The following WDR7 variants were observed in gnomAD, a reference collection of about 807,000 sequenced individuals.
The protein encoded by WDR7 is WD repeat domain 7.
A neutral mutation model predicts 169.4 loss-of-function variants in WDR7; 46 were observed. That is an observed-to-expected ratio of 0.27 (90% CI 0.21 to 0.35). The LOEUF (loss-of-function observed/expected upper bound fraction) is 0.35, where lower values mean the gene tolerates loss of function less well. Ranked by LOEUF, WDR7 falls within the 10% of genes least tolerant of loss-of-function variation. The pLI, the probability that WDR7 is intolerant of heterozygous loss-of-function variation, is 1.00. For synonymous variants in WDR7, 612 were observed against 666.8 expected, an observed-to-expected ratio of 0.92 and a Z score of 1.27; for missense variants, 1,534 against 1,859.3, an observed-to-expected ratio of 0.83 and a Z score of 3.22.
intron 20 of WDR7, among the ~76,000 whole-genome samples, chr18:56,862,242 T>C (rs2045815951): frequency 6.6e-6 from 1 of 151,928 alleles, no homozygotes. Flanking sequence ...GATCTGATAT[T>C]GATTTAATAA....
chr18:56,826,714 G>A (rs372480993), intron 20 of WDR7, among the ~76,000 whole-genome samples: 43 of 152,234 alleles, frequency 2.8e-4, no homozygotes, highest in African/African-American at 9.4e-4. Context: ...AATAAAGATG[G>A]ATGAATTAAA....
intron 1 of WDR7, among the ~76,000 whole-genome samples, chr18:56,653,011 G>A (rs522845): frequency 0.1 from 15,651 of 152,134 alleles, 928 homozygotes; most frequent in Non-Finnish European, 0.14. Flanking sequence ...ACTTAGCATC[G>A]AAAATCTTCA....
intron 25 of WDR7, among the ~76,000 whole-genome samples, chr18:56,947,965 T>C (rs1199710830): frequency 2.0e-5 from 3 of 152,228 alleles, no homozygotes; most frequent in African/African-American, 7.2e-5. Context: ...TAATGTACTT[T>C]GTAAGTTTAC....
intron 19 of WDR7, among the ~76,000 whole-genome samples, chr18:56,812,149 G>A (rs2044880232): frequency 6.6e-6 from 1 of 151,938 alleles, no homozygotes; most frequent in Non-Finnish European, 1.5e-5. Flanking sequence ...TCTTTCATCA[G>A]TGTTTTGTAG....
chr18:56,941,317 GA>G (rs1215530259), intron 25 of WDR7, among the ~76,000 whole-genome samples: 5 of 152,030 alleles, frequency 3.3e-5, no homozygotes, highest in Non-Finnish European at 7.4e-5. Context: ...AATAACCTGT[GA>G]AAAATGCCTT....
At chr18:56,814,420 G>A (rs1417147709) in intron 19 of WDR7, among the ~76,000 whole-genome samples, 1 of 152,152 alleles carries the variant, frequency 6.6e-6, no homozygotes, top group South Asian at 2.1e-4. Flanking sequence ...TTTTGTATTT[G>A]AGCAGTATCT....
chr18:56,821,429 G>A (rs2045094552), intron 20 of WDR7, among the ~76,000 whole-genome samples: 3 of 152,106 alleles, frequency 2.0e-5, no homozygotes, highest in Admixed American at 2.0e-4. Context: ...TAATAGATCT[G>A]GGATTAAAGT....
rs941743437 is a variant in WDR7, at chr18:57,027,930, A to G, written c.*723A>G. The G allele has an allele frequency of 4.6e-5, 7 of 152,202 alleles. No individual in the cohort carries two copies. Among genetic ancestry groups the G allele is most frequent in the Admixed American group, 6.5e-5 (1 of 15,284 alleles). The allele number at this position is 152,202 out of a possible 1,614,324, so 9.4% of individuals were successfully genotyped here. A position where few individuals can be genotyped will look rare whatever the true frequency, so the allele number is the denominator to read the frequency against. On this transcript the variant is annotated 3_prime_UTR_variant, in exon 28 of 28. Transcript: ENST00000254442. ...TAAATGATAGTCTATTTAGTAGTTT[A>G]AAATAAAAATAATCACTCCCTATGA... is the stretch of plus-strand genomic sequence containing the variant.
intron 20 of WDR7, among the ~76,000 whole-genome samples, chr18:56,865,055 A>G (rs183094538): frequency 6.6e-6 from 1 of 152,138 alleles, no homozygotes; most frequent in Admixed American, 6.5e-5. Context: ...GTAAATATGT[A>G]TTAATATTTT....
chr18:57,011,776 C>A (rs1191699740), intron 26 of WDR7, among the ~76,000 whole-genome samples: 1 of 151,808 alleles, frequency 6.6e-6, no homozygotes. Flanking sequence ...GGAGATAGTA[C>A]ACCCAATAAG....
chr18:56,872,585 A>G (rs2045968251), intron 20 of WDR7: 1 of 152,206 alleles, frequency 6.6e-6, no homozygotes, highest in Non-Finnish European at 1.5e-5. Flanking sequence ...TAACCCAATA[A>G]TGAGACCACG....
intron 7 of WDR7, among the ~76,000 whole-genome samples, chr18:56,689,395 G>A (rs2025516443): frequency 6.6e-6 from 1 of 152,106 alleles, no homozygotes; most frequent in African/African-American, 2.4e-5. Context: ...CAAGTAGCTG[G>A]GATCACAGGC....
At chr18:57,031,713 ACCT>A (rs1233183751), downstream of WDR7, 2 of 152,356 alleles carry the variant, frequency 1.3e-5, no homozygotes, top group African/African-American at 2.4e-5. Flanking sequence ...AGCCAGCCAA[ACCT>A]CCTCAATATT....
At chr18:56,709,184 T>C (rs553265969) in intron 12 of WDR7, among the ~76,000 whole-genome samples, 3 of 152,222 alleles carry the variant, frequency 2.0e-5, no homozygotes, top group Non-Finnish European at 4.4e-5. Context: ...TAAAGCTTTA[T>C]TAATGTAATT....
intron 1 of WDR7, among the ~76,000 whole-genome samples, chr18:56,670,873 A>T (rs1196765416): frequency 1.3e-5 from 2 of 152,132 alleles, no homozygotes; most frequent in African/African-American, 4.8e-5. Flanking sequence ...GCTATAGGTG[A>T]CTTCTAGTGT....
chr18:56,943,192 G>T (rs1657389), intron 25 of WDR7, among the ~76,000 whole-genome samples: 1 of 152,152 alleles, frequency 6.6e-6, no homozygotes, highest in African/African-American at 2.4e-5. Context: ...TGTCTGTACC[G>T]TTGGATTCTA....
At chr18:56,654,509 T>G (rs1385223502) in intron 1 of WDR7, among the ~76,000 whole-genome samples, 1 of 152,238 alleles carries the variant, frequency 6.6e-6, no homozygotes, top group Non-Finnish European at 1.5e-5. Context: ...CCTTCACCCA[T>G]TTTTATTTTG....
At chr18:56,885,273 A>C (rs567888621) in intron 21 of WDR7, among the ~76,000 whole-genome samples, 3 of 152,194 alleles carry the variant, frequency 2.0e-5, no homozygotes, top group Non-Finnish European at 4.4e-5. Context: ...CAATGGATCC[A>C]AACCAAGAAT....
chr18:56,853,476 C>T (rs952404358), intron 20 of WDR7, among the ~76,000 whole-genome samples: 7 of 152,188 alleles, frequency 4.6e-5, no homozygotes, highest in African/African-American at 1.7e-4. Flanking sequence ...CACACCCAAA[C>T]ATCTTTGATT....
Sources: allele counts gnomAD v4.1 joint callset (sites outside exome capture counted in the v4.1 genomes callset), GRCh38; gene constraint gnomAD v4.1.1; transcripts MANE v1.5; gene names NCBI Gene and HGNC (gene_info 2026-07-23, HGNC 2026-07-21).